ERICH6: variants seen among roughly 807,000 people sequenced by gnomAD.
ERICH6 encodes glutamate-rich protein 6.
Under a neutral mutation model 71.0 loss-of-function variants are expected in ERICH6, and 71 were observed. The ratio of observed to expected loss-of-function variants is 1.00; its 90% CI spans 0.83 to 1.22. The LOEUF (loss-of-function observed/expected upper bound fraction) is 1.22, where lower values mean the gene tolerates loss of function less well. Ranked by LOEUF, ERICH6 falls within the 50% of genes most tolerant of loss-of-function variation. The pLI is 0.00. For synonymous variants in ERICH6, 262 were observed against 278.4 expected (o/e 0.94, Z 0.59); for missense variants, 808 against 797.2 (o/e 1.01, Z -0.16).
chr3:150,703,693 G>T lies in ERICH6; in HGVS notation c.206C>A (p.Ala69Asp). 1 of 1,608,380 alleles carries T rather than the reference G, an allele frequency of 6.2e-7. No individual in the cohort carries two copies. The change falls in exon 1 of 14, where the codon GCC becomes GAC. Residue 69 changes from alanine (A) to aspartate (D), a missense_variant. By Grantham distance (126) the Ala-to-Asp change is moderately radical (BLOSUM62 -2). Transcript: ENST00000295910. ...ELVGEEQELE[A>D]PETFSEEYLW... The stretch of plus-strand genomic sequence containing the variant: ...GTACTCTTCGCTGAACGTCTCAGGG[G>T]CCTCCAACTCCTGCTCTTCCCCCAC...
Position 150,669,346 on chromosome 3 carries a change from C to T in ERICH6, c.1449G>A (p.Val483=). Residue 483 remains valine (V), a synonymous_variant, in exon 12 of 14, where the codon GTG becomes GTA. Coordinates refer to ENST00000295910, the MANE Select transcript of ERICH6 (RefSeq NM_152394.5). ...AGGAACTTCTGCCAGAGGAATCCAG[C>T]ACTGCTAGGATAGCAGGGTTAGTGG... is the stretch of plus-strand genomic sequence containing the variant. The part of the protein sequence containing the change: ...DMPTNPAILA[V]LDSSGRSSCY... The T allele has an allele frequency of 1.2e-6, 2 of 1,613,462 alleles. No homozygotes were observed. Among genetic ancestry groups the T allele is most frequent in the Non-Finnish European group, 1.7e-6 (2 of 1,179,754 alleles).
chr3:150,685,014 A>AT (rs1343215014), intron 6 of ERICH6, among the ~76,000 whole-genome samples: 4 of 151,542 alleles, frequency 2.6e-5, no homozygotes, highest in Non-Finnish European at 5.9e-5. Flanking sequence ...CAAAAAAAAA[A>AT]AATAATAATA....
chr3:150,680,525 G>A lies in ERICH6; in HGVS notation c.1054C>T (p.Arg352Ter), dbSNP rs745449756. 49 of 1,614,004 alleles carry A rather than the reference G, an allele frequency of 3.0e-5. No homozygotes were observed. The highest frequency in any genetic ancestry group is 3.6e-5 in the Non-Finnish European group (43 of 1,180,014). The change falls in exon 9 of 14, where the codon CGA becomes TGA. Residue 352 changes from arginine to a stop codon, truncating the protein, a stop_gained. Coordinates refer to ENST00000295910, the MANE Select transcript of ERICH6 (RefSeq NM_152394.5). LOFTEE classifies it high-confidence loss of function. ...ATTATTGCAAAATGTCTGGCCATTCGTTGCTCCTGTTTCCTACAAAATCAG... is the reference window on the plus strand; with the variant it reads ...ATTATTGCAAAATGTCTGGCCATTCATTGCTCCTGTTTCCTACAAAATCAG... ...EKALQRKQEQ[R>*]MARHFAIISR...
chr3:150,688,150 T>A (rs1053078298), intron 3 of ERICH6, among the ~76,000 whole-genome samples: 11 of 152,062 alleles, frequency 7.2e-5, no homozygotes, highest in African/African-American at 1.9e-4. Context: ...TAAATTTTTT[T>A]AAAAAAGAAG....
intron 12 of ERICH6, 150 bp from the exon 13 acceptor site, chr3:150,667,165 A>G (rs1235193436): frequency 2.9e-6 from 2 of 690,102 alleles, no homozygotes; most frequent in Non-Finnish European, 4.9e-6. Flanking sequence ...TAGGAGTGAT[A>G]ATACTATGAC....
chr3:150,700,675 C>G (rs1712838292), intron 2 of ERICH6, among the ~76,000 whole-genome samples: 1 of 152,084 alleles, frequency 6.6e-6, no homozygotes, highest in African/African-American at 2.4e-5. Context: ...CCTCCACCTC[C>G]TGGGTTCAAG....
intron 2 of ERICH6, 58 bp from the exon 3 acceptor site, chr3:150,698,940 A>G: frequency 9.6e-7 from 1 of 1,038,762 alleles, no homozygotes; most frequent in Non-Finnish European, 1.5e-6. Context: ...CAGGTCTTCT[A>G]AACATCGAAC....
chr3:150,685,809 G>T lies in ERICH6; in HGVS notation c.716C>A (p.Pro239His). 1.2e-6 allele frequency: 2 copies of T among 1,614,018 alleles called. No individual in the cohort carries two copies. The highest frequency in any genetic ancestry group is 1.7e-6 in the Non-Finnish European group (2 of 1,180,006). The change falls in exon 6 of 14, where the codon CCC becomes CAC. Residue 239 changes from proline (P) to histidine (H), a missense_variant. Physicochemically the swap from Pro to His is moderately conservative, Grantham distance 77 (BLOSUM62 -2). Transcript: ENST00000295910. ...TLFEPSLRTL[P>H]SIGPPSILAY... The stretch of plus-strand genomic sequence containing the variant: ...CAGAATGGATGGTGGTCCGATGCTG[G>T]GTAACGTTCTTAGAGAAGGCTCGAA...
intron 4 of ERICH6, 108 bp from the exon 5 acceptor site, chr3:150,686,129 C>G: frequency 8.4e-7 from 1 of 1,191,114 alleles, no homozygotes; most frequent in Non-Finnish European, 1.2e-6. Context: ...TTGCCCAGCA[C>G]GCACACACTG....
chr3:150,682,093 G>A lies in ERICH6; in HGVS notation c.882+125C>T, dbSNP rs1711982774. ...GCCTCCCGAAGTGCTAGGATTACAG[G>A]TGTGAGCCATCAAGCCCGGCCTAAC... is the stretch of plus-strand genomic sequence containing the variant. On this transcript the variant is annotated intron_variant, in intron 7 of 13. Transcript: ENST00000295910. The A allele has an allele frequency of 5.0e-6, 4 of 798,198 alleles. No individual in the cohort carries two copies. In the East Asian group the frequency reaches 8.0e-5, roughly 16 times the overall value. 49.4% of individuals were successfully genotyped at this position (798,198 alleles called of 1,614,324 possible). A position where few individuals can be genotyped will look rare whatever the true frequency, so the allele number is the denominator to read the frequency against.
At chr3:150,702,027 C>T (rs946620553) in intron 2 of ERICH6, 94 bp downstream of exon 2, 3 of 841,172 alleles carry the variant, frequency 3.6e-6, no homozygotes, top group African/African-American at 3.6e-5. Context: ...GTCACAAATG[C>T]CCTGGATTAT....
chr3:150,666,270 T>A (rs141148746), intron 13 of ERICH6, among the ~76,000 whole-genome samples: 45 of 152,258 alleles, frequency 3.0e-4, no homozygotes, highest in Admixed American at 2.9e-3. Context: ...GAGCTTGCCA[T>A]CCAGTAGGAA....
intron 3 of ERICH6, among the ~76,000 whole-genome samples, chr3:150,695,542 C>G (rs901729939): frequency 3.3e-5 from 5 of 151,880 alleles, no homozygotes; most frequent in Admixed American, 6.6e-5. Context: ...GTGGCTCATG[C>G]CTGTAATCCC....
At chr3:150,686,085 G>T in intron 4 of ERICH6, 64 bp from the exon 5 acceptor site, 1 of 1,362,360 alleles carries the variant, frequency 7.3e-7, no homozygotes, top group Non-Finnish European at 1.0e-6. Flanking sequence ...TTCCACTTCT[G>T]TAATTTGGAG....
In ERICH6 at chr3:150,686,335, C is replaced by A. The variant is rs1712187195; in HGVS notation, c.573G>T (p.Glu191Asp). The A allele has an allele frequency of 6.2e-7, 1 of 1,614,056 alleles. No individual in the cohort carries two copies. The highest frequency in any genetic ancestry group is 1.3e-5 in the African/African-American group (1 of 74,918). Reference protein sequence around the residue: ...KVQSRKKASKEKAEPECLASK... With the variant: ...KVQSRKKASKDKAEPECLASK... Reference sequence around the variant, plus strand: ...ATGCCAGACATTCAGGTTCAGCTTTCTCTTTAGAGGCTTTCTTCCCTGTGA... The same window carrying A: ...ATGCCAGACATTCAGGTTCAGCTTTATCTTTAGAGGCTTTCTTCCCTGTGA... Residue 191 changes from glutamate to aspartate, a missense_variant, in exon 4 of 14, where the codon GAG (glutamate) becomes GAT (aspartate). This residue lies in a region of ERICH6 where 736 missense variants were observed against 712.2 expected (regional missense o/e 1.03). Transcript: ENST00000295910.
intron 1 of ERICH6, 21 bp downstream of exon 1, chr3:150,703,474 AG>A: frequency 6.5e-7 from 1 of 1,549,844 alleles, no homozygotes. Context: ...CCCTCGAGGA[AG>A]GGGTGGGTCG....
At chr3:150,702,697 T>C (rs1712939457) in intron 1 of ERICH6, among the ~76,000 whole-genome samples, 1 of 151,994 alleles carries the variant, frequency 6.6e-6, no homozygotes, top group African/African-American at 2.4e-5. Context: ...CAACAAAGAA[T>C]TATCCAGACC....
chr3:150,702,719 A>G (rs1389768236), intron 1 of ERICH6, among the ~76,000 whole-genome samples: 1 of 151,998 alleles, frequency 6.6e-6, no homozygotes, highest in Admixed American at 6.6e-5. Flanking sequence ...AAATGTCAAC[A>G]CTAGAGCTTG....
intron 13 of ERICH6, among the ~76,000 whole-genome samples, chr3:150,663,102 C>T (rs1169834064): frequency 1.6e-4 from 25 of 152,128 alleles, no homozygotes; most frequent in Admixed American, 1.6e-3. Flanking sequence ...AGAGTTCTGA[C>T]CAGACTTACG....
Sources: gnomAD v4.1 joint callset for allele counts (sites outside exome capture counted in the v4.1 genomes callset) on GRCh38, gnomAD v4.1.1 for gene constraint, gnomAD v4.1.1 regional missense constraint, MANE v1.5 for transcripts, NCBI Gene and HGNC (gene_info 2026-07-23, HGNC 2026-07-21) for gene names.